Variants in TBK1 observed in about 807,000 individuals in gnomAD.
TBK1 encodes TANK binding kinase 1, also known as serine/threonine-protein kinase TBK1.
TBK1 carries 37 observed loss-of-function variants against 99.9 expected under a neutral mutation model. The ratio of observed to expected loss-of-function variants is 0.37; its 90% CI spans 0.28 to 0.49. TBK1 has a LOEUF of 0.49. Among genes scored for constraint, TBK1 ranks in the 20% least tolerant of loss-of-function variants. The probability of loss-of-function intolerance (pLI) is 0.98; values close to 1 mark genes in which losing one functional copy is unlikely to be tolerated. For missense variants in TBK1, 644 were observed against 872.5 expected (o/e 0.74, Z 3.30); for synonymous variants, 258 against 279.8 (o/e 0.92, Z 0.78).
At position 64,484,010 on chromosome 12, in the gene TBK1, T is replaced by TACAC. The variant is rs71092971; in HGVS notation, c.993-257_993-254dup. The TACAC allele has an allele frequency of 0.089, 13,736 of 154,928 alleles. 745 individuals carry two copies. Among genetic ancestry groups the TACAC allele is most frequent in the East Asian group, 0.26 (1,418 of 5,484 alleles). The allele number at this position is 154,928 out of a possible 1,614,324, so 9.6% of individuals were successfully genotyped here. A position where few individuals can be genotyped will look rare whatever the true frequency, so the allele number is the denominator to read the frequency against. On this transcript the variant is annotated intron_variant, in intron 8 of 20. Transcript: ENST00000331710. ...CAACAGAGCGAAACTCTGTCTCACATACACACACACACACACACACACACA... is the reference window on the plus strand; with the variant it reads ...CAACAGAGCGAAACTCTGTCTCACATACACACACACACACACACACACACACACA...
chr12:64,479,992 C>T lies in TBK1; in HGVS notation c.702-20C>T, dbSNP rs2040752376. 2 of 1,564,754 alleles carry T rather than the reference C, an allele frequency of 1.3e-6. No homozygotes were observed. Among genetic ancestry groups the T allele is most frequent in the East Asian group, 4.5e-5 (2 of 44,366 alleles). On this transcript the variant is annotated intron_variant, in intron 6 of 20. Transcript: ENST00000331710. ...GCAAAAATGAACTGCTTATTTTATT[C>T]TGCTTTTGTTCCTCCCAAGGTATAA...
At chr12:64,479,120 A>G (rs2040741910) in intron 6 of TBK1, among the ~76,000 whole-genome samples, 2 of 152,262 alleles carry the variant, frequency 1.3e-5, no homozygotes, top group Admixed American at 6.5e-5. Context: ...AATGAAAGAT[A>G]TATTCATCCA....
intron 15 of TBK1, 135 bp from the exon 16 acceptor site, chr12:64,496,231 TA>T: frequency 2.5e-6 from 1 of 397,006 alleles, no homozygotes; most frequent in South Asian, 6.0e-5. Flanking sequence ...GGGCCATAAG[TA>T]ACCAATGAGC....
At chr12:64,466,254 C>G (rs1319494926) in intron 4 of TBK1, among the ~76,000 whole-genome samples, 2 of 152,138 alleles carry the variant, frequency 1.3e-5, no homozygotes, top group Non-Finnish European at 2.9e-5. Flanking sequence ...ATTCATCTAT[C>G]AGCCCTCAAG....
chr12:64,487,131 T>TA (rs1246018706), intron 11 of TBK1, among the ~76,000 whole-genome samples: 1 of 152,254 alleles, frequency 6.6e-6, no homozygotes, highest in East Asian at 1.9e-4. Context: ...ACCTGTTTTT[T>TA]ACTTTAATGA....
rs180801342 is a variant in TBK1 at position 64,492,405 on chromosome 12, C to T, written c.1521+2286C>T. On this transcript the variant is annotated intron_variant, in intron 13 of 20. Transcript: ENST00000331710. ...CACTGCAGCCTCCGCCTCCTGGGTT[C>T]AAGCAATTCTCCTGCCTCAGCCTCC... is the stretch of plus-strand genomic sequence containing the variant. 4.8e-3 allele frequency among the ~76,000 whole-genome samples: 732 copies of T among 152,266 alleles called. 5 individuals carry two copies. The highest frequency in any genetic ancestry group is 0.017 in the African/African-American group (688 of 41,560).
intron 8 of TBK1, chr12:64,484,024 C>T (rs866202581): frequency 1.1e-4 from 19 of 166,194 alleles, no homozygotes; most frequent in Non-Finnish European, 1.7e-4. Flanking sequence ...CACACACACA[C>T]ACACACACAC....
At chr12:64,494,835 T>C (rs1331783973) in intron 13 of TBK1, among the ~76,000 whole-genome samples, 1 of 152,232 alleles carries the variant, frequency 6.6e-6, no homozygotes, top group East Asian at 1.9e-4. Context: ...CTAGTGGCAA[T>C]GTCAGCTACT....
intron 2 of TBK1, among the ~76,000 whole-genome samples, chr12:64,458,086 A>AACACACACACACAC (rs71092969): frequency 1.4e-5 from 2 of 143,670 alleles, no homozygotes; most frequent in Non-Finnish European, 3.1e-5. Context: ...GTCTCTACTA[A>AACACACACACACAC]ACACACACAC....
At chr12:64,495,860 T>A in intron 15 of TBK1, 85 bp downstream of exon 15, 1 of 1,082,442 alleles carries the variant, frequency 9.2e-7, no homozygotes, top group Non-Finnish European at 1.3e-6. Context: ...GGTATATCTG[T>A]AAGGGTAGCT....
intron 4 of TBK1, 145 bp downstream of exon 4, chr12:64,464,608 A>C: frequency 1.6e-6 from 1 of 612,410 alleles, no homozygotes; most frequent in Non-Finnish European, 2.4e-6. Context: ...AGAAATACAT[A>C]AATTGGATTT....
intron 6 of TBK1, among the ~76,000 whole-genome samples, chr12:64,475,465 T>C (rs1237482540): frequency 6.6e-6 from 1 of 152,178 alleles, no homozygotes; most frequent in Non-Finnish European, 1.5e-5. Flanking sequence ...GTTTCCATCT[T>C]TGTGTCCATC....
intron 6 of TBK1, among the ~76,000 whole-genome samples, chr12:64,476,751 A>G (rs1023541444): frequency 1.3e-5 from 2 of 152,118 alleles, no homozygotes; most frequent in Non-Finnish European, 2.9e-5. Context: ...GCCTAAGACA[A>G]TGTATAGAAG....
At chr12:64,454,738 G>A (rs368752339) in intron 1 of TBK1, among the ~76,000 whole-genome samples, 3 of 137,622 alleles carry the variant, frequency 2.2e-5, no homozygotes, top group East Asian at 4.8e-4. Context: ...GTGCAGTGGC[G>A]CGATCTCGGC....
At chr12:64,459,675 C>A (rs1304173365) in intron 2 of TBK1, among the ~76,000 whole-genome samples, 1 of 152,100 alleles carries the variant, frequency 6.6e-6, no homozygotes, top group East Asian at 1.9e-4. Context: ...CACTCCCCTC[C>A]CCCACGTTGT....
chr12:64,501,222 A>C, intron 20 of TBK1, 108 bp from the exon 21 acceptor site: 1 of 1,044,328 alleles, frequency 9.6e-7, no homozygotes, highest in Non-Finnish European at 1.4e-6. Flanking sequence ...TAAACTCTTT[A>C]AAAATAAATA....
intron 11 of TBK1, among the ~76,000 whole-genome samples, chr12:64,487,988 A>G (rs561926898): frequency 6.6e-6 from 1 of 152,352 alleles, no homozygotes; most frequent in Non-Finnish European, 1.5e-5. Flanking sequence ...GGAAATACTC[A>G]TTGGAACATT....
chr12:64,456,710 C>G (rs373982382), intron 2 of TBK1, among the ~76,000 whole-genome samples: 1 of 151,694 alleles, frequency 6.6e-6, no homozygotes, highest in African/African-American at 2.4e-5. Flanking sequence ...GGCGTGGTGG[C>G]GGGCGCCTGT....
rs574623131 is a variant in TBK1 at position 64,466,115 on chromosome 12, A to G, written c.359-786A>G. Among the ~76,000 whole-genome samples the G allele has an allele frequency of 5.0e-4, 76 of 152,292 alleles. 1 individual carries two copies. The South Asian group carries it at 0.015, about 31-fold the overall frequency. On this transcript the variant is annotated intron_variant, in intron 4 of 20. Transcript: ENST00000331710. ...ACAATGAGAGAGAAACAATATTACT[A>G]GTATGCTACAGCCTGTTTAATCAAA...
Sources: allele counts gnomAD v4.1 joint callset (sites outside exome capture counted in the v4.1 genomes callset), GRCh38; gene constraint gnomAD v4.1.1; transcripts MANE v1.5; gene names NCBI Gene and HGNC (gene_info 2026-07-23, HGNC 2026-07-21).